The following SLC9D1 variants were observed in gnomAD, a reference collection of about 807,000 sequenced individuals.
SLC9D1 encodes putative LAG1-interacting protein.
the SLC9D1 span, among the ~76,000 whole-genome samples, chr13:113,502,224 T>C: frequency 6.6e-6 from 1 of 152,206 alleles, no homozygotes; most frequent in Non-Finnish European, 1.5e-5. Flanking sequence ...GTTGTTGTTG[T>C]TGTTTTTGAG....
chr13:113,539,290 C>T, the SLC9D1 span: 1 of 1,513,612 alleles, frequency 6.6e-7, no homozygotes. The surrounding 1 kb of genome is among the most constrained non-coding windows in gnomAD (Gnocchi z 4.8). Context: ...CTCGGGGTGG[C>T]CTTGGGATGG....
At chr13:113,520,165 A>G in the SLC9D1 span, among the ~76,000 whole-genome samples, 2 of 152,200 alleles carry the variant, frequency 1.3e-5, no homozygotes, top group Non-Finnish European at 2.9e-5. Context: ...AGTGTTCTCA[A>G]AGAGATTTTA....
chr13:113,546,447 G>T, the SLC9D1 span, among the ~76,000 whole-genome samples: 1 of 152,162 alleles, frequency 6.6e-6, no homozygotes, highest in South Asian at 2.1e-4. This position sits in a 1 kb window ranked among gnomAD's most constrained non-coding sequence, Gnocchi z 7.1. Context: ...AGGGGCCGTG[G>T]CTAGAAGACT....
the SLC9D1 span, among the ~76,000 whole-genome samples, chr13:113,517,135 G>A: frequency 1.3e-5 from 2 of 152,092 alleles, no homozygotes; most frequent in Non-Finnish European, 2.9e-5. Flanking sequence ...GTGGGACCAG[G>A]CAAGAGGCCA....
the SLC9D1 span, chr13:113,548,561 G>T: frequency 8.1e-7 from 1 of 1,235,750 alleles, no homozygotes; most frequent in Non-Finnish European, 1.1e-6. Context: ...CCTGGGGGCA[G>T]GGTCCTCCTC....
At chr13:113,526,684 T>A in the SLC9D1 span, among the ~76,000 whole-genome samples, 2 of 152,180 alleles carry the variant, frequency 1.3e-5, 1 homozygote, top group South Asian at 4.1e-4. Context: ...ATACCGCTGC[T>A]CTCCAGCCTG....
chr13:113,517,169 T>G, the SLC9D1 span, among the ~76,000 whole-genome samples: 3 of 152,158 alleles, frequency 2.0e-5, no homozygotes, highest in South Asian at 6.2e-4. Flanking sequence ...AACATTCCCT[T>G]CTTGTGAAAA....
chr13:113,514,533 C>CTGTCACCCAGGCTGG, the SLC9D1 span: 13 of 131,336 alleles, frequency 9.9e-5, no homozygotes, highest in African/African-American at 2.6e-4. Flanking sequence ...CCGAGTCTTG[C>CTGTCACCCAGGCTGG]AACAGGAAGA....
At chr13:113,509,221 C>T in the SLC9D1 span, among the ~76,000 whole-genome samples, 52 of 94,596 alleles carry the variant, frequency 5.5e-4, no homozygotes, top group African/African-American at 1.3e-3. Flanking sequence ...TTGGGACTGG[C>T]GGGCTTGGTG....
the SLC9D1 span, chr13:113,495,520 C>T: frequency 1.2e-5 from 14 of 1,190,364 alleles, no homozygotes; most frequent in Middle Eastern, 5.4e-4. Context: ...GTGTGTCTGA[C>T]ATGCAAGCTC....
the SLC9D1 span, chr13:113,548,576 G>C: frequency 2.8e-6 from 3 of 1,065,804 alleles, no homozygotes; most frequent in Non-Finnish European, 4.0e-6. Flanking sequence ...CTCCTCCAGG[G>C]GGGCACGCAG....
chr13:113,538,966 TTC>T, the SLC9D1 span, among the ~76,000 whole-genome samples: 1 of 152,240 alleles, frequency 6.6e-6, no homozygotes, highest in African/African-American at 2.4e-5. Flanking sequence ...TCCTGTCGCT[TTC>T]TCTCTGCTTT....
At chr13:113,533,511 C>T in the SLC9D1 span, among the ~76,000 whole-genome samples, 3 of 152,230 alleles carry the variant, frequency 2.0e-5, no homozygotes, top group Non-Finnish European at 4.4e-5. Flanking sequence ...TGGATGTCCG[C>T]TGGCTGAGAT....
chr13:113,507,743 T>C, the SLC9D1 span, among the ~76,000 whole-genome samples: 5 of 152,264 alleles, frequency 3.3e-5, no homozygotes, highest in African/African-American at 1.2e-4. Context: ...TTTGCTTCTG[T>C]CTTGTATCTT....
the SLC9D1 span, among the ~76,000 whole-genome samples, chr13:113,510,905 G>A: frequency 6.6e-6 from 1 of 152,120 alleles, no homozygotes; most frequent in Non-Finnish European, 1.5e-5. Context: ...AAACATTGCC[G>A]CTTCTAAGTC....
chr13:113,495,632 C>T, the SLC9D1 span: 2 of 1,580,588 alleles, frequency 1.3e-6, no homozygotes, highest in Non-Finnish European at 1.7e-6. Flanking sequence ...CCGTCCTTCC[C>T]TGGGCGGTGC....
At chr13:113,506,679 A>G in the SLC9D1 span, among the ~76,000 whole-genome samples, 17 of 152,088 alleles carry the variant, frequency 1.1e-4, no homozygotes, top group Admixed American at 1.1e-3. Context: ...TCAACAAGGC[A>G]CTGATCTGCC....
At chr13:113,544,428 AGGTGGTCTT>A in the SLC9D1 span, among the ~76,000 whole-genome samples, 5,757 of 152,324 alleles carry the variant, frequency 0.038, 292 homozygotes, top group African/African-American at 0.12. Flanking sequence ...GTTTCGGAGC[AGGTGGTCTT>A]CCCACTAGAT....
the SLC9D1 span, among the ~76,000 whole-genome samples, chr13:113,511,379 G>A: frequency 6.6e-6 from 1 of 152,234 alleles, no homozygotes; most frequent in African/African-American, 2.4e-5. Context: ...CTCTGTGCCG[G>A]CAACTGAGAG....
Sources: allele counts gnomAD v4.1 joint callset (sites outside exome capture counted in the v4.1 genomes callset), GRCh38; gene constraint gnomAD v4.1.1; non-coding constraint Gnocchi (gnomAD v3.1); transcripts MANE v1.5; gene names NCBI Gene and HGNC (gene_info 2026-07-23, HGNC 2026-07-21).